Variants in PJA2 observed in about 807,000 individuals in gnomAD.
The protein encoded by PJA2 is praja ring finger ubiquitin ligase 2, also known as E3 ubiquitin-protein ligase Praja-2.
Under a neutral mutation model 69.3 loss-of-function variants are expected in PJA2, and 25 were observed. That is an observed-to-expected ratio of 0.36 (90% CI 0.26 to 0.50). The LOEUF (loss-of-function observed/expected upper bound fraction) is 0.50. Ranked by LOEUF, PJA2 falls within the 20% of genes least tolerant of loss-of-function variation. PJA2 has a pLI of 0.96. For missense variants in PJA2, 809 were observed against 830.2 expected (o/e 0.97, Z 0.31); for synonymous variants, 308 against 277.8 (o/e 1.11, Z -1.08).
At chr5:109,376,451 G>T (rs925351000) in intron 4 of PJA2, among the ~76,000 whole-genome samples, 1 of 151,724 alleles carries the variant, frequency 6.6e-6, no homozygotes, top group Non-Finnish European at 1.5e-5. Context: ...TAAAATCAAG[G>T]AGCCAGGAAG....
At chr5:109,391,377 G>A (rs1747277148) in intron 1 of PJA2, among the ~76,000 whole-genome samples, 2 of 152,046 alleles carry the variant, frequency 1.3e-5, no homozygotes, top group African/African-American at 4.8e-5. Context: ...ATATTTTAAT[G>A]TTTGTTATGA....
intron 1 of PJA2, among the ~76,000 whole-genome samples, chr5:109,394,078 T>A (rs1747349355): frequency 6.8e-6 from 1 of 147,000 alleles, no homozygotes; most frequent in Admixed American, 6.9e-5. Context: ...GACAGAGTCT[T>A]ACTCTGTTGC....
intron 1 of PJA2, among the ~76,000 whole-genome samples, chr5:109,394,046 T>TA (rs2127014317): frequency 9.8e-6 from 1 of 101,926 alleles, no homozygotes; most frequent in Admixed American, 8.6e-5. Flanking sequence ...TCTCTTTTTT[T>TA]TTTTTTTTTT....
intron 4 of PJA2, among the ~76,000 whole-genome samples, chr5:109,374,318 G>T (rs1390519956): frequency 6.6e-6 from 1 of 152,228 alleles, no homozygotes; most frequent in African/African-American, 2.4e-5. Flanking sequence ...AAGATAAAAA[G>T]GTTTGCTAAA....
At chr5:109,343,050 T>C (rs2126986208) in intron 9 of PJA2, among the ~76,000 whole-genome samples, 1 of 104,164 alleles carries the variant, frequency 9.6e-6, no homozygotes, top group South Asian at 3.3e-4. Context: ...CAATGGCGGC[T>C]TTGTGGAATA....
chr5:109,342,523 G>A (rs1207175488), intron 9 of PJA2, among the ~76,000 whole-genome samples: 1 of 67,012 alleles, frequency 1.5e-5, no homozygotes, highest in Non-Finnish European at 2.6e-5. Flanking sequence ...GGAGGGAGGT[G>A]GGGGGGGTCA....
intron 1 of PJA2, among the ~76,000 whole-genome samples, chr5:109,398,872 T>G (rs1255552047): frequency 6.6e-6 from 1 of 152,092 alleles, no homozygotes; most frequent in African/African-American, 2.4e-5. Context: ...ACTGAAGATT[T>G]GCTACCACTG....
At chr5:109,339,121 G>A (rs1314198726) in intron 9 of PJA2, among the ~76,000 whole-genome samples, 1 of 152,148 alleles carries the variant, frequency 6.6e-6, no homozygotes, top group Non-Finnish European at 1.5e-5. Context: ...ACAAGTTGGG[G>A]GTCTAAATCA....
chr5:109,341,550 G>GGT (rs1762058458), intron 9 of PJA2, among the ~76,000 whole-genome samples: 1 of 94,870 alleles, frequency 1.1e-5, no homozygotes, highest in East Asian at 2.5e-4. Flanking sequence ...GAGGGAGGTG[G>GGT]GGGGGGGTCA....
intron 1 of PJA2, among the ~76,000 whole-genome samples, chr5:109,389,552 C>A (rs1199316287): frequency 6.6e-6 from 1 of 151,848 alleles, no homozygotes; most frequent in Admixed American, 6.6e-5. Flanking sequence ...CAGGTCATTA[C>A]AGGTTTTCAT....
At chr5:109,337,801 T>A (rs1275322070) in intron 9 of PJA2, among the ~76,000 whole-genome samples, 2 of 151,696 alleles carry the variant, frequency 1.3e-5, no homozygotes, top group Non-Finnish European at 2.9e-5. Flanking sequence ...ACCAAATCAT[T>A]TATGATTTGG....
intron 4 of PJA2, among the ~76,000 whole-genome samples, chr5:109,377,411 C>G (rs1445945279): frequency 6.6e-6 from 1 of 152,042 alleles, no homozygotes; most frequent in Admixed American, 6.6e-5. Flanking sequence ...GGAAATTCAG[C>G]AACTGAACAA....
intron 3 of PJA2, among the ~76,000 whole-genome samples, chr5:109,381,218 T>C (rs1747040119): frequency 1.3e-5 from 2 of 152,180 alleles, no homozygotes; most frequent in Admixed American, 6.5e-5. Context: ...TATATCTTTT[T>C]GATTCAAAGA....
rs150487569 is a variant in PJA2, at chr5:109,356,546, T to C, written c.1653-520A>G. On this transcript the variant is annotated intron_variant, in intron 6 of 9. Transcript: ENST00000361189. Reference sequence around the variant, plus strand: ...TCCCAAACACTTCTGGTACCAAACATTTCAGGTGAGGGATATAGTACATTT... The same window carrying C: ...TCCCAAACACTTCTGGTACCAAACACTTCAGGTGAGGGATATAGTACATTT... Among the ~76,000 whole-genome samples the C allele has an allele frequency of 7.0e-3, 1,059 of 152,314 alleles. 12 individuals are homozygous for C. Among genetic ancestry groups the C allele is most frequent in the African/African-American group, 0.024 (1,001 of 41,568 alleles).
At position 109,340,392 on chromosome 5, in the gene PJA2, C is replaced by T. The variant is rs141163961; in HGVS notation, c.2002-3036G>A. ...ACAGCAAAGAAAGGAAAAGGAAAGACGGAAGGAAGGAAAGGAATGGGAAAA... is the reference window on the plus strand; with the variant it reads ...ACAGCAAAGAAAGGAAAAGGAAAGATGGAAGGAAGGAAAGGAATGGGAAAA... On this transcript the variant is annotated intron_variant, in intron 9 of 9. Transcript: ENST00000361189. Among the ~76,000 whole-genome samples, 141 of 149,686 alleles carry T rather than the reference C, an allele frequency of 9.4e-4. 1 individual carries two copies. The highest frequency in any genetic ancestry group is 3.3e-3 in the African/African-American group (133 of 40,742).
chr5:109,409,010 T>A (rs1356982067), intron 1 of PJA2: 2 of 152,190 alleles, frequency 1.3e-5, no homozygotes, highest in Admixed American at 1.3e-4. Flanking sequence ...AAATTTTTTT[T>A]TTTTTAATGT....
chr5:109,345,114 G>A (rs1762151302), intron 7 of PJA2, among the ~76,000 whole-genome samples: 1 of 150,850 alleles, frequency 6.6e-6, no homozygotes, highest in Non-Finnish European at 1.5e-5. Context: ...AGGCCGAGGC[G>A]GGGTGGGTCA....
intron 9 of PJA2, among the ~76,000 whole-genome samples, chr5:109,340,206 T>A (rs934836807): frequency 6.6e-6 from 1 of 152,214 alleles, no homozygotes; most frequent in African/African-American, 2.4e-5. Context: ...TCATCTGATA[T>A]GATTTGTAAA....
chr5:109,342,169 G>A (rs867888529), intron 9 of PJA2, among the ~76,000 whole-genome samples: 1,370 of 86,402 alleles, frequency 0.016, 2 homozygotes, highest in Non-Finnish European at 0.024. Context: ...CCCCCCGCCC[G>A]GCCAGCCGCC....
Sources: gnomAD v4.1 joint callset for allele counts (sites outside exome capture counted in the v4.1 genomes callset) on GRCh38, gnomAD v4.1.1 for gene constraint, MANE v1.5 for transcripts, NCBI Gene and HGNC (gene_info 2026-07-23, HGNC 2026-07-21) for gene names.